Variants in CCDC92 observed in about 807,000 individuals in gnomAD.
The protein encoded by CCDC92 is coiled-coil domain containing 92, also known as coiled-coil domain-containing protein 92.
CCDC92 carries 12 observed loss-of-function variants against 24.9 expected under a neutral mutation model. The ratio of observed to expected loss-of-function variants is 0.48; its 90% CI spans 0.31 to 0.78. The LOEUF (loss-of-function observed/expected upper bound fraction) is 0.78. Ranked by LOEUF, CCDC92 falls within the 30% of genes least tolerant of loss-of-function variation. The pLI is 0.05. For synonymous variants in CCDC92, 193 were observed against 196.3 expected, an observed-to-expected ratio of 0.98 and a Z score of 0.14; for missense variants, 399 against 439.4, an observed-to-expected ratio of 0.91 and a Z score of 0.82.
chr12:123,960,940 G>A (rs1303271284), intron 1 of CCDC92: 2 of 152,208 alleles, frequency 1.3e-5, no homozygotes, highest in Non-Finnish European at 2.9e-5. Flanking sequence ...CAATAGGCCA[G>A]GCAATCGATT....
rs191508819 is a variant in CCDC92, at chr12:123,951,612, T to C, written c.-59-7248A>G. On this transcript the variant is annotated intron_variant, in intron 1 of 4. Transcript: ENST00000238156. ...ATGAACAACGGGAGCCCTGCTGCCC[T>C]CTCTGTGCACTTTTGAAAGGCCCTG... Among the ~76,000 whole-genome samples, 107 of 152,362 alleles carry C rather than the reference T, an allele frequency of 7.0e-4. 1 individual carries two copies. Among genetic ancestry groups the C allele is most frequent in the African/African-American group, 2.3e-3 (97 of 41,590 alleles).
At chr12:123,942,674 G>C in intron 4 of CCDC92, 70 bp downstream of exon 4, 4 of 1,199,668 alleles carry the variant, frequency 3.3e-6, no homozygotes, top group Non-Finnish European at 5.0e-6. Flanking sequence ...TGTGTGACTA[G>C]TGAAAACGGC....
intron 1 of CCDC92, among the ~76,000 whole-genome samples, chr12:123,964,496 A>T (rs1359313934): frequency 3.3e-5 from 5 of 152,200 alleles, no homozygotes; most frequent in Non-Finnish European, 7.3e-5. Flanking sequence ...TGTGGAGGAC[A>T]CTCAGAACAC....
chr12:123,938,757 C>T (rs188688731), intron 4 of CCDC92, among the ~76,000 whole-genome samples: 3 of 152,296 alleles, frequency 2.0e-5, no homozygotes, highest in Admixed American at 6.5e-5. Flanking sequence ...AGTGAGTGTC[C>T]GTCAGACACA....
chr12:123,949,511 C>G (rs1289803524), intron 1 of CCDC92, among the ~76,000 whole-genome samples: 2 of 152,220 alleles, frequency 1.3e-5, no homozygotes, highest in Non-Finnish European at 2.9e-5. Context: ...GCCAGCCCCA[C>G]CCAGGTGACT....
intron 1 of CCDC92, among the ~76,000 whole-genome samples, chr12:123,954,723 T>C (rs1247573594): frequency 6.6e-6 from 1 of 152,254 alleles, no homozygotes; most frequent in Non-Finnish European, 1.5e-5. Context: ...TTAACTGGCC[T>C]GTGCAGGCCA....
rs191580621 is a variant in CCDC92 at position 123,935,744 on chromosome 12, T to C, written c.*1314A>G. On this transcript the variant is annotated 3_prime_UTR_variant, in exon 5 of 5. Coordinates refer to ENST00000238156, the MANE Select transcript of CCDC92 (RefSeq NM_025140.3). ...AAGATGTGTGGAGTTTTCTTTTCCT[T>C]CTCAGAGAAAACACTTGATTAGGCA... is the stretch of plus-strand genomic sequence containing the variant. 35 of 355,744 alleles carry C rather than the reference T, an allele frequency of 9.8e-5. 1 individual carries two copies. In the Admixed American group the frequency reaches 1.0e-3, roughly 10 times the overall value. 22.0% of individuals were successfully genotyped at this position (355,744 alleles called of 1,614,324 possible). A position where few individuals can be genotyped will look rare whatever the true frequency, so the allele number is the denominator to read the frequency against.
chr12:123,946,966 G>C (rs1295822330), intron 1 of CCDC92, among the ~76,000 whole-genome samples: 1 of 152,142 alleles, frequency 6.6e-6, no homozygotes, highest in Non-Finnish European at 1.5e-5. Flanking sequence ...AGCAGAACCG[G>C]GGCTGCGTGC....
Position 123,935,661 on chromosome 12 carries a change from A to C in CCDC92, c.*1397T>G, listed in dbSNP as rs1955463352. 2 of 573,648 alleles carry C rather than the reference A, an allele frequency of 3.5e-6. No individual in the cohort carries two copies. The highest frequency in any genetic ancestry group is 4.8e-5 in the South Asian group (1 of 20,840). The allele number at this position is 573,648 out of a possible 1,614,324, so 35.5% of individuals were successfully genotyped here. A position where few individuals can be genotyped will look rare whatever the true frequency, so the allele number is the denominator to read the frequency against. Reference sequence around the variant, plus strand: ...AATTAACCTGAATGGTTTTGTTTTTAATACTACTTTTTAAAAGGAATTTAT... The same window carrying C: ...AATTAACCTGAATGGTTTTGTTTTTCATACTACTTTTTAAAAGGAATTTAT... On this transcript the variant is annotated 3_prime_UTR_variant, in exon 5 of 5. Coordinates refer to ENST00000238156, the MANE Select transcript of CCDC92 (RefSeq NM_025140.3).
intron 1 of CCDC92, among the ~76,000 whole-genome samples, chr12:123,950,328 C>T (rs111418538): frequency 3.1e-3 from 469 of 152,286 alleles, no homozygotes; most frequent in African/African-American, 0.011. Context: ...GAGCACAGGG[C>T]CAGGCCGTCA....
At chr12:123,940,009 A>C (rs533757305) in intron 4 of CCDC92, among the ~76,000 whole-genome samples, 1 of 152,272 alleles carries the variant, frequency 6.6e-6, no homozygotes, top group African/African-American at 2.4e-5. Flanking sequence ...GCAACCTCAG[A>C]CCTTCAACCA....
intron 1 of CCDC92, among the ~76,000 whole-genome samples, chr12:123,955,412 T>C (rs1346945212): frequency 5.9e-5 from 9 of 152,226 alleles, no homozygotes; most frequent in Admixed American, 5.9e-4. Context: ...TCATTCATCC[T>C]AATGAAATAG....
chr12:123,938,921 C>T (rs957108948), intron 4 of CCDC92, among the ~76,000 whole-genome samples: 17 of 152,290 alleles, frequency 1.1e-4, no homozygotes, highest in Admixed American at 1.0e-3. Context: ...GGCCTTGGTC[C>T]CACCTCCTCT....
chr12:123,957,570 GA>G (rs1229768300), intron 1 of CCDC92, among the ~76,000 whole-genome samples: 1 of 151,948 alleles, frequency 6.6e-6, no homozygotes, highest in Non-Finnish European at 1.5e-5. Flanking sequence ...ATCTGGGCAA[GA>G]AAATACTCAA....
chr12:123,950,498 T>G (rs1955998504), intron 1 of CCDC92, among the ~76,000 whole-genome samples: 1 of 152,034 alleles, frequency 6.6e-6, no homozygotes, highest in African/African-American at 2.4e-5. Flanking sequence ...GGAAGCTGGG[T>G]GAGGGTGGGG....
intron 1 of CCDC92, among the ~76,000 whole-genome samples, chr12:123,954,791 T>A (rs1444864941): frequency 1.3e-5 from 2 of 152,176 alleles, no homozygotes; most frequent in Non-Finnish European, 2.9e-5. Flanking sequence ...TCTGGGAGTG[T>A]CCTGGGCCTC....
chr12:123,942,046 C>T (rs1418560788), intron 4 of CCDC92, among the ~76,000 whole-genome samples: 1 of 152,242 alleles, frequency 6.6e-6, no homozygotes, highest in Non-Finnish European at 1.5e-5. Context: ...AACCCGTTTC[C>T]AACAGGTGTC....
At chr12:123,959,105 T>C (rs908735915) in intron 1 of CCDC92, among the ~76,000 whole-genome samples, 1 of 152,200 alleles carries the variant, frequency 6.6e-6, no homozygotes, top group African/African-American at 2.4e-5. Context: ...CTGCCCTTCG[T>C]TAAGGATGCA....
At chr12:123,940,034 T>C (rs888361655) in intron 4 of CCDC92, among the ~76,000 whole-genome samples, 6 of 152,244 alleles carry the variant, frequency 3.9e-5, no homozygotes, top group Non-Finnish European at 8.8e-5. Flanking sequence ...CCTGGCCTGC[T>C]GTGAGCATCC....
Sources: allele counts gnomAD v4.1 joint callset (sites outside exome capture counted in the v4.1 genomes callset), GRCh38; gene constraint gnomAD v4.1.1; transcripts MANE v1.5; gene names NCBI Gene and HGNC (gene_info 2026-07-23, HGNC 2026-07-21).